The following ATXN1 variants were observed in gnomAD, a reference collection of about 807,000 sequenced individuals.
ATXN1 encodes the protein ataxin-1.
Under a neutral mutation model 56.4 loss-of-function variants are expected in ATXN1, and 8 were observed. That is an observed-to-expected ratio of 0.14 (90% CI 0.08 to 0.26). The LOEUF (loss-of-function observed/expected upper bound fraction) is 0.26, where lower values mean the gene tolerates loss of function less well. Among genes scored for constraint, ATXN1 ranks in the 10% least tolerant of loss-of-function variants. The pLI, the probability that ATXN1 is intolerant of heterozygous loss-of-function variation, is 1.00. For missense variants in ATXN1, 987 were observed against 1,106.5 expected (o/e 0.89, Z 1.53); for synonymous variants, 514 against 494.6 (o/e 1.04, Z -0.52).
intron 6 of ATXN1, among the ~76,000 whole-genome samples, chr6:16,363,298 G>A (rs1200235256): frequency 2.0e-5 from 3 of 152,150 alleles, no homozygotes; most frequent in Admixed American, 2.0e-4. Context: ...TATTTGATAG[G>A]TGCATGCTAA....
At chr6:16,708,983 G>A (rs1039902507) in intron 2 of ATXN1, among the ~76,000 whole-genome samples, 11 of 150,384 alleles carry the variant, frequency 7.3e-5, no homozygotes, top group African/African-American at 2.5e-4. Context: ...CCAAGATTGT[G>A]CCACTGAACT....
chr6:16,378,444 A>G (rs1024211892), intron 6 of ATXN1, among the ~76,000 whole-genome samples: 2 of 152,240 alleles, frequency 1.3e-5, no homozygotes, highest in Admixed American at 1.3e-4. Context: ...CCAGGAGCAC[A>G]GAATATGTAA....
chr6:16,455,425 G>A (rs943065960), intron 6 of ATXN1, among the ~76,000 whole-genome samples: 8 of 152,188 alleles, frequency 5.3e-5, no homozygotes, highest in African/African-American at 1.4e-4. Flanking sequence ...AGCAGATGCT[G>A]GCAAGGATGC....
At chr6:16,323,943 TA>T (rs1242351473) in intron 7 of ATXN1, among the ~76,000 whole-genome samples, 4 of 152,092 alleles carry the variant, frequency 2.6e-5, no homozygotes, top group Non-Finnish European at 5.9e-5. Flanking sequence ...CTTTTTTTTT[TA>T]AATAAGATCT....
At chr6:16,617,693 TGA>T (rs1173492661) in intron 3 of ATXN1, among the ~76,000 whole-genome samples, 2 of 140,354 alleles carry the variant, frequency 1.4e-5, no homozygotes, top group Non-Finnish European at 3.0e-5. Flanking sequence ...CCTGAACCCG[TGA>T]GGCGGAGCTT....
At position 16,760,982 on chromosome 6, in the gene ATXN1, G is replaced by A. The variant is rs1335680695; in HGVS notation, c.-730+316C>T. Among the ~76,000 whole-genome samples the A allele has an allele frequency of 6.7e-6, 1 of 148,246 alleles. No individual in the cohort carries two copies. The highest frequency in any genetic ancestry group is 6.7e-5 in the Admixed American group (1 of 15,004). ...GCGGGCGCCCACCCAGCCCCTGACA[G>A]CCCCCCCGCCGGCCGCCCCTGCGCC... is the stretch of plus-strand genomic sequence containing the variant. On this transcript the variant is annotated intron_variant, in intron 1 of 7. Coordinates refer to ENST00000436367, the MANE Select transcript of ATXN1 (RefSeq NM_001128164.2). This position sits in a 1 kb window ranked among gnomAD's most constrained non-coding sequence, Gnocchi z 5.3.
intron 5 of ATXN1, among the ~76,000 whole-genome samples, chr6:16,492,387 C>A (rs991101811): frequency 2.0e-5 from 3 of 151,680 alleles, no homozygotes; most frequent in African/African-American, 7.3e-5. Context: ...AACTAACCTG[C>A]ACATTGTGCA....
At chr6:16,470,900 A>G (rs928562684) in intron 6 of ATXN1, among the ~76,000 whole-genome samples, 1 of 152,170 alleles carries the variant, frequency 6.6e-6, no homozygotes, top group African/African-American at 2.4e-5. Flanking sequence ...TATCCTAGCC[A>G]AGGTCTCTAT....
At chr6:16,393,639 AC>A (rs1419174244) in intron 6 of ATXN1, among the ~76,000 whole-genome samples, 1 of 152,252 alleles carries the variant, frequency 6.6e-6, no homozygotes, top group African/African-American at 2.4e-5. Context: ...CTGAATACAT[AC>A]CAGTGTTTAT....
At chr6:16,514,988 A>C (rs1761152973) in intron 5 of ATXN1, among the ~76,000 whole-genome samples, 1 of 151,130 alleles carries the variant, frequency 6.6e-6, no homozygotes, top group African/African-American at 2.4e-5. Context: ...TCTCAAAATA[A>C]TAATAATAAT....
At position 16,513,661 on chromosome 6, in the gene ATXN1, C is replaced by G. The variant is rs866377222; in HGVS notation, c.-299+8966G>C. 3.3e-5 allele frequency among the ~76,000 whole-genome samples: 5 copies of G among 152,186 alleles called. No homozygotes were observed. The Middle Eastern group carries it at 0.01, about 311-fold the overall frequency. Reference sequence around the variant, plus strand: ...CAAGAGCGTCACGTGTCTTCCAAGCCAAGTGGGGTCCTATGCCTTGCTGGT... The same window carrying G: ...CAAGAGCGTCACGTGTCTTCCAAGCGAAGTGGGGTCCTATGCCTTGCTGGT... On this transcript the variant is annotated intron_variant, in intron 5 of 7. Coordinates refer to ENST00000436367, the MANE Select transcript of ATXN1 (RefSeq NM_001128164.2).
chr6:16,512,998 A>G (rs1486210685), intron 5 of ATXN1, among the ~76,000 whole-genome samples: 1 of 152,246 alleles, frequency 6.6e-6, no homozygotes, highest in East Asian at 1.9e-4. Flanking sequence ...TTGAAACAGA[A>G]GGCTTTCTAA....
chr6:16,653,929 T>C (rs1395802920), intron 3 of ATXN1, among the ~76,000 whole-genome samples: 1 of 152,186 alleles, frequency 6.6e-6, no homozygotes, highest in Non-Finnish European at 1.5e-5. Flanking sequence ...GGATGCACAA[T>C]TATTTTCAGA....
At chr6:16,413,955 T>C (rs898529643) in intron 6 of ATXN1, among the ~76,000 whole-genome samples, 5 of 152,198 alleles carry the variant, frequency 3.3e-5, no homozygotes, top group Admixed American at 6.5e-5. Context: ...AGCTGGAAAG[T>C]AAGGAAAATC....
At chr6:16,761,039 G>A (rs1761079478) in intron 1 of ATXN1, 2 of 178,352 alleles carry the variant, frequency 1.1e-5, no homozygotes, top group Non-Finnish European at 1.2e-5. Flanking sequence ...GGAGCCTGGA[G>A]CCGGGGACGG....
intron 6 of ATXN1, among the ~76,000 whole-genome samples, chr6:16,415,169 A>G (rs747746739): frequency 1.3e-4 from 20 of 152,354 alleles, no homozygotes; most frequent in Non-Finnish European, 2.4e-4. Flanking sequence ...ATATAATAAA[A>G]TAGAAATTTG....
At chr6:16,637,239 C>G (rs1013960317) in intron 3 of ATXN1, among the ~76,000 whole-genome samples, 1 of 151,352 alleles carries the variant, frequency 6.6e-6, no homozygotes, top group Admixed American at 6.6e-5. Context: ...AGCAAATTAT[C>G]GCAAGGACAA....
intron 6 of ATXN1, among the ~76,000 whole-genome samples, chr6:16,457,213 G>A (rs970899338): frequency 2.0e-5 from 3 of 152,022 alleles, no homozygotes; most frequent in African/African-American, 7.2e-5. Flanking sequence ...AAGACGAAAG[G>A]CAAGGGTGCA....
At chr6:16,461,274 G>C (rs921628106) in intron 6 of ATXN1, among the ~76,000 whole-genome samples, 4 of 152,198 alleles carry the variant, frequency 2.6e-5, no homozygotes, top group Admixed American at 1.3e-4. Flanking sequence ...TCTCCCCTTG[G>C]GGTGGTTAAC....
Sources: gnomAD v4.1 joint callset for allele counts (sites outside exome capture counted in the v4.1 genomes callset) on GRCh38, gnomAD v4.1.1 for gene constraint, Gnocchi (gnomAD v3.1) non-coding constraint, MANE v1.5 for transcripts, NCBI Gene and HGNC (gene_info 2026-07-23, HGNC 2026-07-21) for gene names.